The following LYZL2 variants were observed in gnomAD, a reference collection of about 807,000 sequenced individuals.
LYZL2 encodes lysozyme like 2, also known as lysozyme-like protein 2.
LYZL2 carries 13 observed loss-of-function variants against 17.1 expected under a neutral mutation model. That is an observed-to-expected ratio of 0.76 (90% CI 0.49 to 1.21). LYZL2 has a LOEUF of 1.21. LYZL2 is among the 50% of genes most tolerant of loss of function. LYZL2 has a pLI of 0.00. For synonymous variants in LYZL2, 63 were observed against 74.4 expected, an observed-to-expected ratio of 0.85 and a Z score of 0.79; for missense variants, 166 against 189.2, an observed-to-expected ratio of 0.88 and a Z score of 0.72.
intron 3 of LYZL2, among the ~76,000 whole-genome samples, chr10:30,621,225 C>G (rs1339601912): frequency 2.0e-5 from 3 of 152,016 alleles, no homozygotes; most frequent in African/African-American, 7.3e-5. Context: ...CGGGGACAAA[C>G]AGAAGGAAAT....
chr10:30,620,128 C>T (rs949831714), intron 3 of LYZL2, among the ~76,000 whole-genome samples: 1 of 152,130 alleles, frequency 6.6e-6, no homozygotes, highest in Non-Finnish European at 1.5e-5. Context: ...TAAACTGCAG[C>T]GTGAGGCCAC....
At chr10:30,611,512 G>A (rs1321629408), downstream of LYZL2, among the ~76,000 whole-genome samples, 3 of 110,962 alleles carry the variant, frequency 2.7e-5, no homozygotes, top group African/African-American at 3.5e-5. Context: ...AAAAAAAAAA[G>A]GAAGGAAGGA....
chr10:30,607,712 C>T (rs1012280920), downstream of LYZL2, among the ~76,000 whole-genome samples: 1 of 140,686 alleles, frequency 7.1e-6, no homozygotes, highest in Non-Finnish European at 1.5e-5. Context: ...CTACTACACC[C>T]AGGATTCCTC....
intron 3 of LYZL2, among the ~76,000 whole-genome samples, chr10:30,625,729 T>G (rs1428439239): frequency 6.6e-6 from 1 of 152,122 alleles, no homozygotes; most frequent in African/African-American, 2.4e-5. Flanking sequence ...TTCATCTCAT[T>G]CTGCTCAAAG....
intron 2 of LYZL2, 114 bp from the exon 3 acceptor site, chr10:30,626,377 C>T (rs145120759): frequency 6.7e-7 from 1 of 1,501,910 alleles, no homozygotes; most frequent in Admixed American, 2.2e-5. Flanking sequence ...TCCCAATACA[C>T]CTTGGGCAGG....
At chr10:30,614,507 C>A (rs1838497366) in intron 3 of LYZL2, among the ~76,000 whole-genome samples, 3 of 152,246 alleles carry the variant, frequency 2.0e-5, no homozygotes, top group Admixed American at 1.3e-4. Context: ...GCTCATCACA[C>A]AACTGCAGCG....
intron 1 of LYZL2, among the ~76,000 whole-genome samples, chr10:30,627,817 A>T (rs924677025): frequency 7.9e-5 from 12 of 152,180 alleles, no homozygotes; most frequent in African/African-American, 2.9e-4. Flanking sequence ...CAGACACCCC[A>T]TTTCAGCCAG....
At chr10:30,620,436 G>C (rs1316802549) in intron 3 of LYZL2, among the ~76,000 whole-genome samples, 1 of 152,180 alleles carries the variant, frequency 6.6e-6, no homozygotes, top group African/African-American at 2.4e-5. Context: ...AGGGTGTACT[G>C]TCTATTCTGC....
intron 1 of LYZL2, among the ~76,000 whole-genome samples, chr10:30,628,108 G>C (rs527554010): frequency 7.9e-5 from 12 of 152,128 alleles, no homozygotes; most frequent in East Asian, 1.9e-4. Flanking sequence ...TGCAGTGAGC[G>C]GAGATTGCGC....
At chr10:30,617,630 G>A (rs1232351244) in intron 3 of LYZL2, among the ~76,000 whole-genome samples, 9 of 127,556 alleles carry the variant, frequency 7.1e-5, no homozygotes, top group Admixed American at 1.9e-4. Flanking sequence ...AGCCGAGATC[G>A]TGCCACTGCA....
At chr10:30,626,715 A>G in intron 2 of LYZL2, 62 bp downstream of exon 2, 1 of 1,603,698 alleles carries the variant, frequency 6.2e-7, no homozygotes, top group Non-Finnish European at 8.5e-7. Flanking sequence ...TGTAGCCAGG[A>G]CCTTCAACAT....
Position 30,629,079 on chromosome 10 carries a change from A to G in LYZL2, c.-26+514T>C, listed in dbSNP as rs189511810. Among the ~76,000 whole-genome samples the G allele has an allele frequency of 1.6e-4, 25 of 152,320 alleles. No homozygotes were observed. The East Asian group carries it at 4.6e-3, about 28-fold the overall frequency. ...ACAGCATTGTGCTAAGCTGTGAGGG[A>G]CAGACAAACGAGGTTTAAGATGCAG... is the stretch of plus-strand genomic sequence containing the variant. On this transcript the variant is annotated intron_variant, in intron 1 of 4. Coordinates refer to ENST00000647634, the MANE Select transcript of LYZL2 (RefSeq NM_183058.3).
At chr10:30,628,911 CAT>C (rs1284962098) in intron 1 of LYZL2, among the ~76,000 whole-genome samples, 54 of 152,288 alleles carry the variant, frequency 3.5e-4, no homozygotes, top group African/African-American at 1.2e-3. Flanking sequence ...TAGCTACTCT[CAT>C]CATTTGGTAA....
At chr10:30,607,428 CCT>C (rs1458881521), downstream of LYZL2, among the ~76,000 whole-genome samples, 1 of 152,008 alleles carries the variant, frequency 6.6e-6, no homozygotes, top group Non-Finnish European at 1.5e-5. Context: ...TTACCTCTCT[CCT>C]CTCTCCTGTT....
At chr10:30,606,790 G>A (rs549456993), downstream of LYZL2, among the ~76,000 whole-genome samples, 1 of 152,196 alleles carries the variant, frequency 6.6e-6, no homozygotes, top group East Asian at 1.9e-4. Context: ...CAGAGGACCT[G>A]GAGCTACAGT....
In LYZL2 at chr10:30,611,901, A is replaced by T; in HGVS notation, c.*54T>A. ...GACAAGATGACACAGGCATTTGGAC[A>T]TTCACTGCAAACCCTAGGGCGTTGC... On this transcript the variant is annotated 3_prime_UTR_variant, in exon 5 of 5. Transcript: ENST00000647634. 1.9e-6 allele frequency: 3 copies of T among 1,613,292 alleles called. No individual in the cohort carries two copies. In the African/African-American group the frequency reaches 4.0e-5, roughly 22 times the overall value.
At chr10:30,617,612 T>C (rs1179020459) in intron 3 of LYZL2, among the ~76,000 whole-genome samples, 2 of 129,034 alleles carry the variant, frequency 1.5e-5, no homozygotes, top group Non-Finnish European at 3.1e-5. Context: ...GAGGCGGAGG[T>C]TGCAGTGAGC....
At position 30,614,348 on chromosome 10, in the gene LYZL2, G is replaced by A. The variant is rs1442361477; in HGVS notation, c.299-1448C>T. ...TTGGGCAGCCCAGCCATGAGCTCCC[G>A]AGTGAGCACTGCCCATCAGAGTGGC... On this transcript the variant is annotated intron_variant, in intron 3 of 4. Coordinates refer to ENST00000647634, the MANE Select transcript of LYZL2 (RefSeq NM_183058.3). Among the ~76,000 whole-genome samples the A allele has an allele frequency of 3.9e-5, 6 of 152,310 alleles. No individual in the cohort carries two copies. In the South Asian group the frequency reaches 8.3e-4, roughly 21 times the overall value.
In LYZL2 at chr10:30,626,954, G is replaced by A. The variant is rs199781815; in HGVS notation, c.-25-14C>T. ...CGGAGACAGAACCTGCCAAAGAGCC[G>A]GAGAACAGGTCAGACGATCTTGATT... On this transcript the variant is annotated splice_polypyrimidine_tract_variant and intron_variant, in intron 1 of 4. Coordinates refer to ENST00000647634, the MANE Select transcript of LYZL2 (RefSeq NM_183058.3). 2,645 of 1,612,258 alleles carry A rather than the reference G, an allele frequency of 1.6e-3. 1 individual carries two copies. Among genetic ancestry groups the A allele is most frequent in the Middle Eastern group, 2.0e-3 (12 of 6,046 alleles).
Sources: allele counts gnomAD v4.1 joint callset (sites outside exome capture counted in the v4.1 genomes callset), GRCh38; gene constraint gnomAD v4.1.1; transcripts MANE v1.5; gene names NCBI Gene and HGNC (gene_info 2026-07-23, HGNC 2026-07-21).